The following MAP4K4 variants were observed in gnomAD, a reference collection of about 807,000 sequenced individuals.
The protein encoded by MAP4K4 is HPK/GCK-like kinase HGK.
A neutral mutation model predicts 189.6 loss-of-function variants in MAP4K4; 38 were observed. The observed-to-expected ratio is 0.20, with a 90% CI of 0.15 to 0.26. The LOEUF (loss-of-function observed/expected upper bound fraction) is 0.26, where lower values mean the gene tolerates loss of function less well. Ranked by LOEUF, MAP4K4 falls within the 10% of genes least tolerant of loss-of-function variation. The probability of loss-of-function intolerance (pLI) is 1.00; values close to 1 mark genes in which losing one functional copy is unlikely to be tolerated. For synonymous variants in MAP4K4, 610 were observed against 624.3 expected, an observed-to-expected ratio of 0.98 and a Z score of 0.34; for missense variants, 1,054 against 1,726.9, an observed-to-expected ratio of 0.61 and a Z score of 6.91.
At chr2:101,720,096 GAAA>G (rs1031098637) in intron 2 of MAP4K4, among the ~76,000 whole-genome samples, 1 of 151,192 alleles carries the variant, frequency 6.6e-6, no homozygotes, top group African/African-American at 2.4e-5. Context: ...AAGAAACAAG[GAAA>G]AAAAATGTCT....
chr2:101,767,189 G>A (rs901815974), intron 2 of MAP4K4, among the ~76,000 whole-genome samples: 4 of 152,182 alleles, frequency 2.6e-5, no homozygotes, highest in African/African-American at 9.7e-5. Context: ...ACTATGAAAA[G>A]GGGATAGCTA....
chr2:101,883,420 C>G (rs969488560), intron 28 of MAP4K4, among the ~76,000 whole-genome samples: 1 of 152,144 alleles, frequency 6.6e-6, no homozygotes, highest in African/African-American at 2.4e-5. Flanking sequence ...CAACCTCCAC[C>G]TCCCGGGTTC....
chr2:101,884,218 A>G (rs923702488), intron 28 of MAP4K4, among the ~76,000 whole-genome samples: 18 of 152,190 alleles, frequency 1.2e-4, no homozygotes, highest in African/African-American at 4.1e-4. Context: ...ATTTAAATGT[A>G]TATTAAATTA....
rs1173072088 is a variant in MAP4K4 at position 101,749,475 on chromosome 2, G to A, written c.124-41245G>A. Among the ~76,000 whole-genome samples, 4 of 150,682 alleles carry A rather than the reference G, an allele frequency of 2.7e-5. No homozygotes were observed. The East Asian group carries it at 7.9e-4, about 30-fold the overall frequency. ...TAGCCATATGTAGAAAGCTGAAACT[G>A]GATCCCTTCCTTACACCTTACACAA... is the stretch of plus-strand genomic sequence containing the variant. On this transcript the variant is annotated intron_variant, in intron 2 of 32. Transcript: ENST00000324219.
In MAP4K4 at chr2:101,882,546, G is replaced by T; in HGVS notation, c.3386-5G>T. The T allele has an allele frequency of 6.4e-7, 1 of 1,572,576 alleles. No homozygotes were observed. Among genetic ancestry groups the T allele is most frequent in the Non-Finnish European group, 8.6e-7 (1 of 1,164,518 alleles). On this transcript the variant is annotated splice_polypyrimidine_tract_variant and splice_region_variant and intron_variant, in intron 27 of 32. Coordinates refer to ENST00000324219, the Ensembl canonical transcript of MAP4K4. The stretch of plus-strand genomic sequence containing the variant: ...CATGTAAAATATTTATATTTATTTT[G>T]CTAGGCAAAAAGGATAAGTTACGTG...
At position 101,701,825 on chromosome 2, in the gene MAP4K4, A is replaced by G. The variant is rs374607715; in HGVS notation, c.123+3287A>G. ...GAGAATGATAGTGTGAAAAATTAAA[A>G]CCAGAAATAAATCAAGTTTGTTTCC... On this transcript the variant is annotated intron_variant, in intron 2 of 32. Transcript: ENST00000324219. 2.6e-5 allele frequency among the ~76,000 whole-genome samples: 4 copies of G among 152,218 alleles called. No homozygotes were observed. The South Asian group carries it at 8.3e-4, about 32-fold the overall frequency.
At chr2:101,762,853 G>A (rs964828630) in intron 2 of MAP4K4, among the ~76,000 whole-genome samples, 1 of 152,130 alleles carries the variant, frequency 6.6e-6, no homozygotes, top group African/African-American at 2.4e-5. Flanking sequence ...AAGGATTATG[G>A]AAAGCAATAG....
intron 2 of MAP4K4, among the ~76,000 whole-genome samples, chr2:101,730,023 C>T (rs933026189): frequency 7.9e-5 from 12 of 152,284 alleles, no homozygotes; most frequent in East Asian, 1.9e-4. Context: ...CAGCATGAGA[C>T]GGAACATCTT....
At chr2:101,776,183 A>G (rs1392984700) in intron 2 of MAP4K4, among the ~76,000 whole-genome samples, 1 of 152,196 alleles carries the variant, frequency 6.6e-6, no homozygotes, top group African/African-American at 2.4e-5. Context: ...ATTTTGATCC[A>G]GTAGATCTGG....
intron 26 of MAP4K4, among the ~76,000 whole-genome samples, chr2:101,874,625 A>G (rs2098144752): frequency 6.6e-6 from 1 of 152,246 alleles, no homozygotes; most frequent in Non-Finnish European, 1.5e-5. Context: ...TGTTCTCACT[A>G]TAAAATTCAA....
chr2:101,729,101 A>AGAGAGTGT lies in MAP4K4; in HGVS notation c.123+30564_123+30565insAGAGTGTG, dbSNP rs149283961. Reference sequence around the variant, plus strand: ...AGGAGAGAGAGAGAGAGAGAGAGAGAGTGTGTGTGTGTGTGTGTGTGTGTG... The same window carrying AGAGAGTGT: ...AGGAGAGAGAGAGAGAGAGAGAGAGAGAGAGTGTGTGTGTGTGTGTGTGTGTGTGTGTG... On this transcript the variant is annotated intron_variant, in intron 2 of 32. Transcript: ENST00000324219. 5.6e-3 allele frequency among the ~76,000 whole-genome samples: 736 copies of AGAGAGTGT among 130,590 alleles called. 3 individuals are homozygous for AGAGAGTGT. The highest frequency in any genetic ancestry group is 0.015 in the Middle Eastern group (4 of 262). 85.7% of individuals were successfully genotyped at this position (130,590 alleles called of 152,430 possible). A position where few individuals can be genotyped will look rare whatever the true frequency, so the allele number is the denominator to read the frequency against.
chr2:101,815,902 T>TAA (rs2095683102), intron 3 of MAP4K4, among the ~76,000 whole-genome samples: 1 of 152,150 alleles, frequency 6.6e-6, no homozygotes, highest in African/African-American at 2.4e-5. Flanking sequence ...CTCAGGTGGT[T>TAA]TCCGCACGGG....
intron 2 of MAP4K4, among the ~76,000 whole-genome samples, chr2:101,785,355 G>A (rs979146567): frequency 6.6e-6 from 1 of 152,196 alleles, no homozygotes; most frequent in Non-Finnish European, 1.5e-5. Flanking sequence ...TAATAGCAAG[G>A]CTCTGTGACG....
In MAP4K4 at chr2:101,808,952, T is replaced by A. The variant is rs187931608; in HGVS notation, c.181-14976T>A. 9.7e-4 allele frequency among the ~76,000 whole-genome samples: 148 copies of A among 152,308 alleles called. 1 individual carries two copies. The highest frequency in any genetic ancestry group is 8.9e-3 in the Admixed American group (136 of 15,292). ...GACGTTCTGGTGTATTTCCAGTCTT[T>A]GCGGAGTAAAGCTATTTCTTATGGC... On this transcript the variant is annotated intron_variant, in intron 3 of 32. Coordinates refer to ENST00000324219, the Ensembl canonical transcript of MAP4K4.
intron 5 of MAP4K4, among the ~76,000 whole-genome samples, chr2:101,828,287 A>G (rs1444414234): frequency 6.6e-6 from 1 of 152,234 alleles, no homozygotes; most frequent in East Asian, 1.9e-4. Flanking sequence ...ATGAACTGAA[A>G]TAATAGAAAT....
chr2:101,809,925 A>G (rs2095304970), intron 3 of MAP4K4, among the ~76,000 whole-genome samples: 1 of 152,228 alleles, frequency 6.6e-6, no homozygotes, highest in Non-Finnish European at 1.5e-5. Flanking sequence ...ATAATGGGAT[A>G]ATGCCAAATA....
chr2:101,771,948 C>T (rs924871372), intron 2 of MAP4K4, among the ~76,000 whole-genome samples: 4 of 152,064 alleles, frequency 2.6e-5, no homozygotes, highest in African/African-American at 9.7e-5. Flanking sequence ...TGATTGCTGG[C>T]GGTCCTGTGC....
In MAP4K4 at chr2:101,855,961, A is replaced by AT; in HGVS notation, c.1234-11dup. The AT allele has an allele frequency of 1.9e-6, 3 of 1,541,924 alleles. No individual in the cohort carries two copies. Among genetic ancestry groups the AT allele is most frequent in the Non-Finnish European group, 2.6e-6 (3 of 1,144,342 alleles). ...GCGGGAAGATCCCTGGTAATTATAC[A>AT]TTTTTACTTACGTAGCAACAAAGGA... On this transcript the variant is annotated splice_polypyrimidine_tract_variant and intron_variant, in intron 12 of 32. Coordinates refer to ENST00000324219, the Ensembl canonical transcript of MAP4K4.
At chr2:101,738,491 A>G (rs2061364814) in intron 2 of MAP4K4, among the ~76,000 whole-genome samples, 2 of 152,180 alleles carry the variant, frequency 1.3e-5, no homozygotes, top group African/African-American at 4.8e-5. Context: ...TTTGGGTTGA[A>G]CAGAATTGAT....
Sources: allele counts gnomAD v4.1 joint callset (sites outside exome capture counted in the v4.1 genomes callset), GRCh38; gene constraint gnomAD v4.1.1; transcripts MANE v1.5; gene names NCBI Gene and HGNC (gene_info 2026-07-23, HGNC 2026-07-21).